Variants in SLC35F1 observed in about 807,000 individuals in gnomAD.
SLC35F1 encodes the protein chromosome 6 open reading frame 169.
Under a neutral mutation model 48.7 loss-of-function variants are expected in SLC35F1, and 14 were observed. That is an observed-to-expected ratio of 0.29 (90% confidence interval 0.19 to 0.45). SLC35F1 has a LOEUF of 0.45. SLC35F1 is among the 20% of genes least tolerant of loss of function. The probability of loss-of-function intolerance (pLI) is 1.00; values close to 1 mark genes in which losing one functional copy is unlikely to be tolerated. For synonymous variants in SLC35F1, 190 were observed against 202.2 expected (o/e 0.94, Z 0.51); for missense variants, 404 against 500.0 (o/e 0.81, Z 1.83).
At chr6:118,197,304 C>T (rs1374822258) in intron 2 of SLC35F1, among the ~76,000 whole-genome samples, 4 of 151,400 alleles carry the variant, frequency 2.6e-5, no homozygotes, top group African/African-American at 7.3e-5. Context: ...TAAGAGATAT[C>T]TTTGACTCTC....
intron 3 of SLC35F1, among the ~76,000 whole-genome samples, chr6:118,255,166 A>G (rs1038386131): frequency 6.6e-6 from 1 of 152,138 alleles, no homozygotes; most frequent in Non-Finnish European, 1.5e-5. Context: ...ACTTAAGCTC[A>G]TTTTATGTAA....
At chr6:118,248,469 C>T (rs1289576169) in intron 3 of SLC35F1, among the ~76,000 whole-genome samples, 1 of 152,104 alleles carries the variant, frequency 6.6e-6, no homozygotes, top group African/African-American at 2.4e-5. Flanking sequence ...GAAGAGAAGT[C>T]CTTTGCAGGA....
intron 1 of SLC35F1, among the ~76,000 whole-genome samples, chr6:118,139,433 G>T (rs1773850545): frequency 6.6e-6 from 1 of 152,184 alleles, no homozygotes; most frequent in Admixed American, 6.5e-5. Context: ...CTTCTTTATG[G>T]ATAGTTCAAA....
intron 1 of SLC35F1, among the ~76,000 whole-genome samples, chr6:118,100,226 G>T (rs2114362823): frequency 6.6e-6 from 1 of 152,236 alleles, no homozygotes; most frequent in African/African-American, 2.4e-5. Context: ...ATACTGCCTT[G>T]TTTTTATCCC....
chr6:118,010,453 C>G (rs527409280), intron 1 of SLC35F1, among the ~76,000 whole-genome samples: 2 of 152,192 alleles, frequency 1.3e-5, no homozygotes, highest in South Asian at 2.1e-4. Context: ...GAGGTAAGGA[C>G]AAATACAAGA....
chr6:117,971,815 A>C (rs1776643845), intron 1 of SLC35F1, among the ~76,000 whole-genome samples: 2 of 152,222 alleles, frequency 1.3e-5, no homozygotes, highest in South Asian at 4.1e-4. Flanking sequence ...GGCTACATAG[A>C]GGACAGGGGC....
chr6:118,218,628 C>CT (rs1775105588), intron 2 of SLC35F1, among the ~76,000 whole-genome samples: 1 of 152,140 alleles, frequency 6.6e-6, no homozygotes, highest in Non-Finnish European at 1.5e-5. Context: ...TTTTATTCAC[C>CT]TTTAAGCTCC....
intron 2 of SLC35F1, among the ~76,000 whole-genome samples, chr6:118,173,083 G>T (rs987578432): frequency 1.3e-5 from 2 of 152,052 alleles, no homozygotes; most frequent in African/African-American, 4.8e-5. Context: ...ATCCCCACAA[G>T]CATCCCATAG....
intron 1 of SLC35F1, among the ~76,000 whole-genome samples, chr6:117,938,574 C>T (rs543040700): frequency 6.6e-6 from 1 of 152,318 alleles, no homozygotes; most frequent in South Asian, 2.1e-4. Flanking sequence ...CGGATTCCTG[C>T]TGAGTCACTA....
intron 4 of SLC35F1, among the ~76,000 whole-genome samples, chr6:118,273,646 T>G (rs1236278279): frequency 6.6e-6 from 1 of 152,168 alleles, no homozygotes; most frequent in African/African-American, 2.4e-5. Flanking sequence ...ATTAATCAGG[T>G]TGCCAAAGAT....
intron 3 of SLC35F1, among the ~76,000 whole-genome samples, chr6:118,259,452 A>G (rs144961747): frequency 1.3e-3 from 199 of 152,146 alleles, no homozygotes; most frequent in African/African-American, 4.5e-3. Flanking sequence ...TTGAAGCATC[A>G]TTTATAATTC....
At chr6:118,105,404 A>G (rs9387558) in intron 1 of SLC35F1, among the ~76,000 whole-genome samples, 1 of 152,070 alleles carries the variant, frequency 6.6e-6, no homozygotes, top group Admixed American at 6.6e-5. Context: ...GACCTACTCT[A>G]TGTCTACCCG....
intron 1 of SLC35F1, among the ~76,000 whole-genome samples, chr6:118,128,419 C>G (rs1167513331): frequency 6.7e-6 from 1 of 149,906 alleles, no homozygotes; most frequent in Non-Finnish European, 1.5e-5. Context: ...CCCAAATGTC[C>G]AACAATGATA....
At chr6:118,157,071 C>T (rs1045334048) in intron 2 of SLC35F1, among the ~76,000 whole-genome samples, 5 of 152,034 alleles carry the variant, frequency 3.3e-5, no homozygotes, top group Non-Finnish European at 7.4e-5. Context: ...CTTTTTATTC[C>T]ATCAATCCAA....
intron 1 of SLC35F1, among the ~76,000 whole-genome samples, chr6:118,139,999 CT>C (rs1375155494): frequency 2.0e-5 from 3 of 152,076 alleles, no homozygotes; most frequent in African/African-American, 2.4e-5. Context: ...TTTAGTGGAA[CT>C]TTAAAAAAAT....
intron 1 of SLC35F1, among the ~76,000 whole-genome samples, chr6:118,040,463 G>A (rs1398186969): frequency 1.3e-5 from 2 of 152,148 alleles, no homozygotes; most frequent in East Asian, 3.9e-4. Flanking sequence ...AAATTATCCA[G>A]TATCCTTTTA....
intron 1 of SLC35F1, chr6:117,998,972 G>T (rs954434956): frequency 6.4e-6 from 7 of 1,086,702 alleles, no homozygotes; most frequent in African/African-American, 4.6e-5. Flanking sequence ...TTATGGTGCA[G>T]ACATGGCCAA....
At chr6:117,920,994 G>T (rs1775890645) in intron 1 of SLC35F1, among the ~76,000 whole-genome samples, 1 of 151,544 alleles carries the variant, frequency 6.6e-6, no homozygotes. Flanking sequence ...GATATTATTT[G>T]TAATGAGTCT....
intron 1 of SLC35F1, among the ~76,000 whole-genome samples, chr6:118,111,915 T>C (rs1264535467): frequency 6.6e-6 from 1 of 152,146 alleles, no homozygotes; most frequent in Non-Finnish European, 1.5e-5. Context: ...GGCTGGGACT[T>C]GCTGGGCTGC....
Sources: allele counts gnomAD v4.1 joint callset (sites outside exome capture counted in the v4.1 genomes callset), GRCh38; gene constraint gnomAD v4.1.1; transcripts MANE v1.5; gene names NCBI Gene and HGNC (gene_info 2026-07-23, HGNC 2026-07-21).